CADM2: variants seen among roughly 807,000 people sequenced by gnomAD.
CADM2 encodes cell adhesion molecule 2.
Under a neutral mutation model 49.8 loss-of-function variants are expected in CADM2, and 12 were observed. The observed-to-expected ratio is 0.24, with a 90% CI of 0.15 to 0.39. The LOEUF is 0.39. Among genes scored for constraint, CADM2 ranks in the 10% least tolerant of loss-of-function variants. CADM2 has a pLI of 1.00. For missense variants in CADM2, 378 were observed against 492.3 expected (o/e 0.77, Z 2.20); for synonymous variants, 214 against 175.4 (o/e 1.22, Z -1.74).
chr3:85,250,112 A>T lies in CADM2; in HGVS notation c.61+290444A>T, dbSNP rs549676298. ...ATATTGTAGTATATTTTAATTAACCATATTTGCCTCTTTTTTTGTTTTATT... is the reference window on the plus strand; with the variant it reads ...ATATTGTAGTATATTTTAATTAACCTTATTTGCCTCTTTTTTTGTTTTATT... On this transcript the variant is annotated intron_variant, in intron 1 of 9. Transcript: ENST00000383699. Among the ~76,000 whole-genome samples the T allele has an allele frequency of 2.0e-5, 3 of 151,930 alleles. No individual in the cohort carries two copies. In the East Asian group the frequency reaches 5.8e-4, roughly 29 times the overall value.
At chr3:85,151,928 A>G (rs978258467) in intron 1 of CADM2, among the ~76,000 whole-genome samples, 10 of 152,222 alleles carry the variant, frequency 6.6e-5, no homozygotes, top group African/African-American at 2.2e-4. Context: ...TGAGTAGAGT[A>G]TATTAAAGAG....
chr3:85,119,560 G>A (rs2038777117), intron 1 of CADM2, among the ~76,000 whole-genome samples: 2 of 152,168 alleles, frequency 1.3e-5, no homozygotes, highest in South Asian at 4.1e-4. Flanking sequence ...GCTTGATGGG[G>A]ATAGCACTGA....
At chr3:85,215,067 C>T (rs2041887203) in intron 1 of CADM2, among the ~76,000 whole-genome samples, 1 of 152,050 alleles carries the variant, frequency 6.6e-6, no homozygotes, top group Admixed American at 6.6e-5. Flanking sequence ...TGCTTTGGAT[C>T]ACACCTGAAG....
At chr3:85,983,982 A>C (rs1275652952) in intron 8 of CADM2, among the ~76,000 whole-genome samples, 1 of 150,490 alleles carries the variant, frequency 6.6e-6, no homozygotes, top group East Asian at 1.9e-4. Context: ...TAAAATTCAG[A>C]TTATATATAT....
In CADM2 at chr3:85,564,936, T is replaced by G. The variant is rs2062210150; in HGVS notation, c.62-161586T>G. Among the ~76,000 whole-genome samples the G allele has an allele frequency of 2.0e-5, 3 of 152,098 alleles. No individual in the cohort carries two copies. The South Asian group carries it at 6.2e-4, about 31-fold the overall frequency. On this transcript the variant is annotated intron_variant, in intron 1 of 9. Coordinates refer to ENST00000383699, the MANE Select transcript of CADM2 (RefSeq NM_001167675.2). ...TGGAAGATTATAAAAACTTCAGCATTTTATAAAGACACAAGGTATATAGCT... is the reference window on the plus strand; with the variant it reads ...TGGAAGATTATAAAAACTTCAGCATGTTATAAAGACACAAGGTATATAGCT...
chr3:85,266,261 C>T (rs2043119313), intron 1 of CADM2, among the ~76,000 whole-genome samples: 1 of 151,754 alleles, frequency 6.6e-6, no homozygotes, highest in African/African-American at 2.4e-5. Flanking sequence ...CTTGGAGATA[C>T]TACTCTCACC....
intron 1 of CADM2, among the ~76,000 whole-genome samples, chr3:85,139,783 A>G (rs2039522615): frequency 6.6e-6 from 1 of 152,148 alleles, no homozygotes; most frequent in African/African-American, 2.4e-5. Flanking sequence ...AATATAAATA[A>G]CACAATTTGG....
Position 85,485,490 on chromosome 3 carries a change from C to A in CADM2, c.62-241032C>A, listed in dbSNP as rs186526090. On this transcript the variant is annotated intron_variant, in intron 1 of 9. Coordinates refer to ENST00000383699, the MANE Select transcript of CADM2 (RefSeq NM_001167675.2). ...GGTGATTGATAACTGGAAAAAATAA[C>A]CATATCTATAAGAATAAATCAAACT... 1.3e-4 allele frequency among the ~76,000 whole-genome samples: 20 copies of A among 152,008 alleles called. No homozygotes were observed. In the East Asian group the frequency reaches 1.7e-3, roughly 13 times the overall value.
intron 1 of CADM2, among the ~76,000 whole-genome samples, chr3:85,288,998 A>G (rs1368683806): frequency 6.6e-6 from 1 of 152,136 alleles, no homozygotes; most frequent in Non-Finnish European, 1.5e-5. Context: ...GTAAATATTT[A>G]TCATTTCCTC....
intron 1 of CADM2, among the ~76,000 whole-genome samples, chr3:85,273,466 T>A (rs1175247794): frequency 6.6e-6 from 1 of 151,360 alleles, no homozygotes; most frequent in African/African-American, 2.4e-5. Flanking sequence ...TGCATCAGCA[T>A]AATTGCAGTG....
intron 1 of CADM2, among the ~76,000 whole-genome samples, chr3:85,246,516 T>C (rs2042650775): frequency 6.6e-6 from 1 of 152,124 alleles, no homozygotes; most frequent in Non-Finnish European, 1.5e-5. Flanking sequence ...ATAAAATTAT[T>C]AATACCAAAT....
At chr3:86,013,710 G>A (rs1731839653) in intron 8 of CADM2, 4 of 1,599,050 alleles carry the variant, frequency 2.5e-6, no homozygotes, top group Non-Finnish European at 3.4e-6. Flanking sequence ...TAGCCTAAGA[G>A]AGGAATTTAT....
chr3:85,598,842 A>AGT (rs532715696), intron 1 of CADM2, among the ~76,000 whole-genome samples: 166 of 135,432 alleles, frequency 1.2e-3, no homozygotes, highest in African/African-American at 3.9e-3. Flanking sequence ...CATATACTTA[A>AGT]GTGTGTGTGT....
At chr3:85,763,065 C>T (rs2069470700) in intron 2 of CADM2, among the ~76,000 whole-genome samples, 1 of 152,046 alleles carries the variant, frequency 6.6e-6, no homozygotes, top group Admixed American at 6.6e-5. Context: ...TTAGAGCTTC[C>T]TGATAAGACA....
At chr3:85,728,922 A>C (rs913332709) in intron 2 of CADM2, among the ~76,000 whole-genome samples, 8 of 152,168 alleles carry the variant, frequency 5.3e-5, no homozygotes, top group Non-Finnish European at 1.0e-4. Context: ...AGCATAGGAA[A>C]TTACACCTTC....
intron 3 of CADM2, among the ~76,000 whole-genome samples, chr3:85,854,081 G>T (rs1431142161): frequency 2.0e-5 from 3 of 151,914 alleles, no homozygotes; most frequent in Non-Finnish European, 2.9e-5. Flanking sequence ...AGTAAGACAT[G>T]ATGTTATTTT....
chr3:85,634,932 C>T (rs572431527), intron 1 of CADM2, among the ~76,000 whole-genome samples: 142 of 152,072 alleles, frequency 9.3e-4, no homozygotes, highest in Admixed American at 1.4e-3. Flanking sequence ...TTTAACAATT[C>T]ATTCTAATGG....
intron 8 of CADM2, among the ~76,000 whole-genome samples, chr3:85,976,451 C>T (rs1262986859): frequency 6.6e-6 from 1 of 151,520 alleles, no homozygotes; most frequent in African/African-American, 2.4e-5. Flanking sequence ...AGTTGCTTCC[C>T]ATTAATATTC....
intron 1 of CADM2, among the ~76,000 whole-genome samples, chr3:85,126,496 G>T (rs2039038771): frequency 6.6e-6 from 1 of 152,068 alleles, no homozygotes; most frequent in Non-Finnish European, 1.5e-5. Context: ...ATTTTCTTTT[G>T]CAAAGTTTTG....
Sources: allele counts gnomAD v4.1 joint callset (sites outside exome capture counted in the v4.1 genomes callset), GRCh38; gene constraint gnomAD v4.1.1; transcripts MANE v1.5; gene names NCBI Gene and HGNC (gene_info 2026-07-23, HGNC 2026-07-21).